Variants in KCP observed in about 807,000 individuals in gnomAD.
The protein encoded by KCP is kielin/chordin-like protein.
In KCP, 194 loss-of-function variants were observed where a neutral mutation model predicts 212.7. The ratio of observed to expected loss-of-function variants is 0.91; its 90% CI spans 0.81 to 1.03. The LOEUF (loss-of-function observed/expected upper bound fraction) is 1.03, where lower values mean the gene tolerates loss of function less well. Ranked by LOEUF, KCP falls within the 50% of genes least tolerant of loss-of-function variation. The pLI, the probability that KCP is intolerant of heterozygous loss-of-function variation, is 0.00. For missense variants in KCP, 2,080 were observed against 2,162.5 expected (o/e 0.96, Z 0.76); for synonymous variants, 833 against 865.3 (o/e 0.96, Z 0.65).
At position 128,888,865 on chromosome 7, in the gene KCP, T is replaced by G. The variant is rs941785816; in HGVS notation, c.2510A>C (p.Gln837Pro). 1 of 1,548,750 alleles carries G rather than the reference T, an allele frequency of 6.5e-7. No individual in the cohort carries two copies. Residue 837 changes from glutamine to proline, a missense_variant and splice_region_variant, in exon 22 of 40, where the codon CAG (glutamine) becomes CCG (proline). Coordinates refer to ENST00000610776, the MANE Select transcript of KCP (RefSeq NM_001366122.1). ...TGGAAGGGCAGGTGTGGCTCTACCC[T>G]GGCAGGTCGGGCAGCAGTGCCCAGA... is the stretch of plus-strand genomic sequence containing the variant. ...IPSGHCCPTC[Q>P]GCRYHGVTTA...
chr7:128,886,663 G>A lies in KCP; in HGVS notation c.2764C>T (p.Arg922Cys), dbSNP rs556445122. The change falls in exon 25 of 40, where the codon CGC becomes TGC. Residue 922 changes from arginine (R) to cysteine (C), a missense_variant. Coordinates refer to ENST00000610776, the MANE Select transcript of KCP (RefSeq NM_001366122.1). ...CCCACCTCCTGCTATACCTGACAGC[G>A]ACACCACTCACAGCTGCCTGCTGGT... The part of the protein sequence containing the change: ...EGPAGSCEWC[R>C]CQAGQVSCVR... The A allele has an allele frequency of 9.7e-6, 15 of 1,551,516 alleles. No individual in the cohort carries two copies. In the East Asian group the frequency reaches 1.5e-4, roughly 15 times the overall value.
At position 128,892,758 on chromosome 7, in the gene KCP, TG is replaced by T. The variant is rs1563038963; in HGVS notation, c.1456del (p.His486ThrfsTer28). The T allele has an allele frequency of 6.4e-7, 1 of 1,551,672 alleles. No individual in the cohort carries two copies. The highest frequency in any genetic ancestry group is 2.0e-5 in the Admixed American group (1 of 51,000). ...CCPSCDSCTYHSQVYANGQNF... is the reference protein window; with the variant it reads ...CCPSCDSCTYXSQVYANGQNF... ...CTGCCCATTGGCATACACTTGGCTG[TG>T]GTAGGTGCAGCTGTCACAGCTGGGG... is the stretch of plus-strand genomic sequence containing the variant. On this transcript the variant is annotated frameshift_variant, in exon 15 of 40. Transcript: ENST00000610776. LOFTEE classifies it high-confidence loss of function.
chr7:128,893,344 C>A, intron 12 of KCP, 25 bp from the exon 13 acceptor site: 1 of 1,551,540 alleles, frequency 6.4e-7, no homozygotes, highest in Non-Finnish European at 8.7e-7. Flanking sequence ...GGTGAGACAC[C>A]CTGAAGGAAT....
rs1563057069 is a variant in KCP, at chr7:128,908,279, A to AAAGAAAGAAAGAAAGT, written c.219+146_219+147insACTTTCTTTCTTTCTT. ...GAAAGAAAGAAAGAAAGAAAGAAAGAAAGAAAGAAAGAAAGAAAGAAAGAA... is the reference window on the plus strand; with the variant it reads ...GAAAGAAAGAAAGAAAGAAAGAAAGAAAGAAAGAAAGAAAGTAAGAAAGAAAGAAAGAAAGAAAGAA... On this transcript the variant is annotated intron_variant, in intron 2 of 39. Transcript: ENST00000610776. 17 of 562,680 alleles carry AAAGAAAGAAAGAAAGT rather than the reference A, an allele frequency of 3.0e-5. No homozygotes were observed. The African/African-American group carries it at 3.3e-4, about 11-fold the overall frequency. The allele number at this position is 562,680 out of a possible 1,614,324, so 34.9% of individuals were successfully genotyped here. A position where few individuals can be genotyped will look rare whatever the true frequency, so the allele number is the denominator to read the frequency against.
chr7:128,901,195 T>TAACTTCC (rs1423063996), intron 8 of KCP, among the ~76,000 whole-genome samples: 1 of 152,242 alleles, frequency 6.6e-6, no homozygotes, highest in African/African-American at 2.4e-5. Context: ...CCCTATATGG[T>TAACTTCC]CTAAAAAGGG....
chr7:128,898,348 A>G (rs1342351161), intron 8 of KCP, among the ~76,000 whole-genome samples: 2 of 152,074 alleles, frequency 1.3e-5, no homozygotes, highest in African/African-American at 2.4e-5. Context: ...GAACCACAGC[A>G]CCCAGCCCCA....
intron 21 of KCP, chr7:128,889,869 A>C (rs1042653460): frequency 6.3e-6 from 1 of 159,468 alleles, no homozygotes; most frequent in Admixed American, 6.0e-5. Context: ...GCCCAAGACC[A>C]CACGGCAAAT....
In KCP at chr7:128,903,757, T is replaced by C; in HGVS notation, c.718A>G (p.Arg240Gly). 6.4e-7 allele frequency: 1 copy of C among 1,550,906 alleles called. No individual in the cohort carries two copies. The highest frequency in any genetic ancestry group is 8.7e-7 in the Non-Finnish European group (1 of 1,146,772). ...PPSPCPEPVL[R>G]PGHCCPTCQG... ...CAGGTTGGGCAGCAGTGCCCAGGCCTCAGCACTGGCTCTGGGCAGGGGCTA... is the reference window on the plus strand; with the variant it reads ...CAGGTTGGGCAGCAGTGCCCAGGCCCCAGCACTGGCTCTGGGCAGGGGCTA... The change falls in exon 7 of 40, where the codon AGG (arginine) becomes GGG (glycine). Residue 240 changes from arginine to glycine, a missense_variant. Transcript: ENST00000610776.
chr7:128,910,358 G>A (rs1045398044), intron 1 of KCP, among the ~76,000 whole-genome samples: 3 of 152,188 alleles, frequency 2.0e-5, no homozygotes, highest in South Asian at 2.1e-4. Context: ...CAGGGCAGCC[G>A]CACTCTCTCC....
chr7:128,877,620 G>A lies in KCP; in HGVS notation c.4482C>T (p.Ala1494=), dbSNP rs142343595. Residue 1494 remains alanine, a synonymous_variant, in exon 39 of 40, where the codon GCC becomes GCT. Transcript: ENST00000610776. ...HAVVPPEPFF[A]ACVYDLCACG... is the part of the protein sequence containing the mutation. ...AGGCACACAGGTCATACACACAGGC[G>A]GCAAAGAAGGGCTCCGGTGGCACCA... 42 of 1,551,668 alleles carry A rather than the reference G, an allele frequency of 2.7e-5. No individual in the cohort carries two copies. Among genetic ancestry groups the A allele is most frequent in the Admixed American group, 2.0e-5 (1 of 51,014 alleles).
intron 32 of KCP, 93 bp from the exon 33 acceptor site, chr7:128,880,814 G>C: frequency 2.5e-6 from 1 of 403,262 alleles, no homozygotes; most frequent in Non-Finnish European, 4.4e-6. Flanking sequence ...ACTTCTGCCT[G>C]CCCCTCCCAC....
chr7:128,898,648 T>C (rs960992995), intron 8 of KCP, among the ~76,000 whole-genome samples: 4 of 152,204 alleles, frequency 2.6e-5, no homozygotes, highest in African/African-American at 9.6e-5. Flanking sequence ...AATGTGCTTT[T>C]GGTAAAAGAT....
chr7:128,892,437 C>G, intron 16 of KCP, 77 bp downstream of exon 16: 1 of 1,054,392 alleles, frequency 9.5e-7, no homozygotes. Context: ...TTCTAAGGTA[C>G]CTGTTGGGCC....
intron 1 of KCP, among the ~76,000 whole-genome samples, chr7:128,908,850 C>T (rs1330453836): frequency 6.6e-6 from 1 of 152,228 alleles, no homozygotes; most frequent in African/African-American, 2.4e-5. Flanking sequence ...ACTCTCTGCA[C>T]CTGTCAGAAA....
intron 8 of KCP, among the ~76,000 whole-genome samples, chr7:128,896,350 A>G (rs995587077): frequency 2.6e-5 from 4 of 152,170 alleles, no homozygotes; most frequent in African/African-American, 4.8e-5. Context: ...TAGAGGCCCA[A>G]CTGGGGAGGG....
At position 128,885,166 on chromosome 7, in the gene KCP, G is replaced by A. The variant is rs562876464; in HGVS notation, c.2971C>T (p.Arg991Cys). 26 of 1,550,836 alleles carry A rather than the reference G, an allele frequency of 1.7e-5. No individual in the cohort carries two copies. The highest frequency in any genetic ancestry group is 9.5e-5 in the South Asian group (8 of 84,066). ...VCHEGVVTCARIQCISSCAQP... is the reference protein window; with the variant it reads ...VCHEGVVTCACIQCISSCAQP... ...GCGCAAGAGCTGATGCACTGGATGC[G>A]TGCACAGGTGACGACGCCCTCGTGA... The change falls in exon 27 of 40, where the codon CGC (arginine) becomes TGC (cysteine). Residue 991 changes from arginine to cysteine, a missense_variant. Coordinates refer to ENST00000610776, the MANE Select transcript of KCP (RefSeq NM_001366122.1).
chr7:128,903,624 A>G lies in KCP; in HGVS notation c.748+103T>C, dbSNP rs1794970328. The stretch of plus-strand genomic sequence containing the variant: ...TGAGCTCAGGCATTCCAGCTCCGCC[A>G]CGGACCAAACCCACTGGAGGCCGGC... On this transcript the variant is annotated intron_variant, in intron 7 of 39. Coordinates refer to ENST00000610776, the MANE Select transcript of KCP (RefSeq NM_001366122.1). The G allele has an allele frequency of 1.1e-5, 10 of 913,372 alleles. No individual in the cohort carries two copies. The South Asian group carries it at 1.6e-4, about 14-fold the overall frequency. 56.6% of individuals were successfully genotyped at this position (913,372 alleles called of 1,614,324 possible).
chr7:128,909,825 C>T (rs76600480), intron 1 of KCP, among the ~76,000 whole-genome samples: 2,692 of 152,310 alleles, frequency 0.018, 33 homozygotes, highest in Non-Finnish European at 0.028. Flanking sequence ...TACTGGCCCT[C>T]AAACCCCAGG....
intron 6 of KCP, 33 bp from the exon 7 acceptor site, chr7:128,903,853 T>C: frequency 1.2e-6 from 1 of 804,808 alleles, no homozygotes; most frequent in Non-Finnish European, 1.9e-6. Context: ...AGGCTTCAGG[T>C]CTGGCTCCCG....
Sources: gnomAD v4.1 joint callset for allele counts (sites outside exome capture counted in the v4.1 genomes callset) on GRCh38, gnomAD v4.1.1 for gene constraint, MANE v1.5 for transcripts, NCBI Gene and HGNC (gene_info 2026-07-23, HGNC 2026-07-21) for gene names.